The following ZNF451 variants were observed in gnomAD, a reference collection of about 807,000 sequenced individuals.
ZNF451 encodes the protein zinc finger protein 451.
In ZNF451, 80 loss-of-function variants were observed where a neutral mutation model predicts 107.1. That is an observed-to-expected ratio of 0.75 (90% confidence interval 0.62 to 0.90). The LOEUF is 0.90. ZNF451 is among the 40% of genes least tolerant of loss of function. The pLI is 0.00. For synonymous variants in ZNF451, 362 were observed against 406.5 expected, an observed-to-expected ratio of 0.89 and a Z score of 1.32; for missense variants, 1,107 against 1,236.2, an observed-to-expected ratio of 0.90 and a Z score of 1.57.
chr6:57,094,617 T>C (rs1327270264), intron 2 of ZNF451, among the ~76,000 whole-genome samples: 1 of 152,206 alleles, frequency 6.6e-6, no homozygotes, highest in African/African-American at 2.4e-5. Context: ...TAAGTAGTAA[T>C]TATAAATATT....
chr6:57,091,616 A>G (rs1276384635), intron 2 of ZNF451, among the ~76,000 whole-genome samples: 1 of 152,166 alleles, frequency 6.6e-6, no homozygotes, highest in East Asian at 1.9e-4. Flanking sequence ...AGAGTGTTTT[A>G]TGATGTATTT....
At chr6:57,132,871 T>G (rs1222642650) in intron 5 of ZNF451, among the ~76,000 whole-genome samples, 171 bp from the exon 6 acceptor site, 4 of 152,290 alleles carry the variant, frequency 2.6e-5, no homozygotes, top group Middle Eastern at 3.4e-3. Flanking sequence ...CATAACTTAT[T>G]TACTTTTAGG....
chr6:57,102,307 AC>A, intron 3 of ZNF451: 1 of 1,254,456 alleles, frequency 8.0e-7, no homozygotes, highest in East Asian at 3.2e-5. Context: ...AGCAGTGGAG[AC>A]TTTCTTGAAA....
At chr6:57,109,125 A>G (rs1459666205) in intron 3 of ZNF451, 2 of 985,316 alleles carry the variant, frequency 2.0e-6, no homozygotes, top group African/African-American at 3.5e-5. Context: ...TCACATCAGG[A>G]ACCCTATCCT....
chr6:57,144,234 C>CTTTTTT (rs57250829), intron 9 of ZNF451, among the ~76,000 whole-genome samples: 1 of 114,802 alleles, frequency 8.7e-6, no homozygotes, highest in Non-Finnish European at 1.7e-5. Context: ...GAATTATATC[C>CTTTTTT]TTTTTTTTTT....
intron 5 of ZNF451, among the ~76,000 whole-genome samples, chr6:57,129,375 C>T (rs934674097): frequency 5.9e-5 from 9 of 152,022 alleles, no homozygotes; most frequent in East Asian, 1.9e-4. Context: ...CTTACTCCAC[C>T]GGATAATTTG....
intron 7 of ZNF451, among the ~76,000 whole-genome samples, chr6:57,136,304 A>T (rs143145930): frequency 6.6e-6 from 1 of 152,178 alleles, no homozygotes; most frequent in Non-Finnish European, 1.5e-5. Flanking sequence ...AGTTAGAAGG[A>T]CTTCTAATTC....
intron 2 of ZNF451, among the ~76,000 whole-genome samples, chr6:57,094,152 T>A (rs1375449841): frequency 6.6e-6 from 1 of 152,206 alleles, no homozygotes; most frequent in African/African-American, 2.4e-5. Context: ...ATAACAGGAA[T>A]GAAAGCTTTT....
intron 5 of ZNF451, 33 bp from the exon 6 acceptor site, chr6:57,133,009 A>T: frequency 6.2e-7 from 1 of 1,611,286 alleles, no homozygotes; most frequent in Non-Finnish European, 8.5e-7. Flanking sequence ...TATCTGAAAT[A>T]ATAACCTAAG....
Position 57,134,730 on chromosome 6 carries a change from CT to C in ZNF451, c.576-10del, listed in dbSNP as rs1831349642. ...ATTTATCTAATATTACCTCTTACCTCTTTTGCTGAGTAGGTTCGATCACTCT... is the reference window on the plus strand; with the variant it reads ...ATTTATCTAATATTACCTCTTACCTCTTTGCTGAGTAGGTTCGATCACTCT... On this transcript the variant is annotated splice_polypyrimidine_tract_variant and intron_variant, in intron 6 of 14. Transcript: ENST00000370706. 8.7e-6 allele frequency: 14 copies of C among 1,608,132 alleles called. No homozygotes were observed. The Admixed American group carries it at 2.2e-4, about 25-fold the overall frequency.
chr6:57,106,600 C>T (rs1829872819), intron 3 of ZNF451: 1 of 981,250 alleles, frequency 1.0e-6, no homozygotes, highest in African/African-American at 1.8e-5. Context: ...GCCACCGCGC[C>T]TGGCTGTGAA....
intron 2 of ZNF451, among the ~76,000 whole-genome samples, chr6:57,097,330 A>G (rs1394444914): frequency 2.0e-5 from 3 of 152,212 alleles, no homozygotes; most frequent in Admixed American, 6.5e-5. Flanking sequence ...GCTATCTTTG[A>G]GACTGGATGC....
chr6:57,091,606 A>G (rs111295723), intron 2 of ZNF451, among the ~76,000 whole-genome samples: 1,623 of 152,272 alleles, frequency 0.011, 31 homozygotes, highest in African/African-American at 0.036. Context: ...AAAGCAGAAG[A>G]GAGTGTTTTA....
chr6:57,158,587 G>A (rs760988138), intron 13 of ZNF451: 140 of 985,194 alleles, frequency 1.4e-4, no homozygotes, highest in Non-Finnish European at 1.5e-4. Flanking sequence ...TGCAACATGT[G>A]GTTTCAAAGA....
intron 5 of ZNF451, among the ~76,000 whole-genome samples, chr6:57,132,360 G>C (rs1471840431): frequency 6.6e-6 from 1 of 152,158 alleles, no homozygotes; most frequent in Non-Finnish European, 1.5e-5. Context: ...ATAGAGCTCA[G>C]ACCCTCTATA....
At chr6:57,138,779 A>G (rs867950653) in intron 7 of ZNF451, among the ~76,000 whole-genome samples, 1,353 of 92,666 alleles carry the variant, frequency 0.015, 29 homozygotes, top group African/African-American at 0.032. Context: ...GTGTGTGTAT[A>G]TATATATATA....
chr6:57,167,403 TAGAC>T (rs1225138227), intron 14 of ZNF451, among the ~76,000 whole-genome samples: 2 of 152,208 alleles, frequency 1.3e-5, no homozygotes, highest in African/African-American at 4.8e-5. Context: ...GTTCATATCT[TAGAC>T]AAGTCTTGTC....
At chr6:57,108,983 GT>G in intron 3 of ZNF451, 1 of 985,346 alleles carries the variant, frequency 1.0e-6, no homozygotes, top group Non-Finnish European at 1.2e-6. Context: ...CCCCATTCAA[GT>G]TTTACTTCTA....
intron 6 of ZNF451, 72 bp from the exon 7 acceptor site, chr6:57,134,672 A>G: frequency 7.1e-7 from 1 of 1,407,296 alleles, no homozygotes; most frequent in Non-Finnish European, 9.8e-7. Flanking sequence ...AGCTTCACAA[A>G]TGAAGCGACA....
Sources: allele counts gnomAD v4.1 joint callset (sites outside exome capture counted in the v4.1 genomes callset), GRCh38; gene constraint gnomAD v4.1.1; transcripts MANE v1.5; gene names NCBI Gene and HGNC (gene_info 2026-07-23, HGNC 2026-07-21).